The following SPOPL variants were observed in gnomAD, a reference collection of about 807,000 sequenced individuals.
The protein encoded by SPOPL is speckle type BTB/POZ protein like.
A neutral mutation model predicts 53.8 loss-of-function variants in SPOPL; 23 were observed. The observed-to-expected ratio is 0.43, with a 90% confidence interval of 0.31 to 0.61. The LOEUF (loss-of-function observed/expected upper bound fraction) is 0.61. SPOPL is among the 20% of genes least tolerant of loss of function. SPOPL has a pLI of 0.12. For missense variants in SPOPL, 442 were observed against 466.9 expected (o/e 0.95, Z 0.49); for synonymous variants, 164 against 149.7 (o/e 1.10, Z -0.70).
chr2:138,518,366 C>CATA (rs1227587405), intron 1 of SPOPL, among the ~76,000 whole-genome samples: 2 of 152,116 alleles, frequency 1.3e-5, no homozygotes, highest in African/African-American at 2.4e-5. Context: ...TGTGCAGGAA[C>CATA]TACCCTAAGT....
chr2:138,543,431 T>G (rs1320095123), intron 1 of SPOPL, among the ~76,000 whole-genome samples: 1 of 152,208 alleles, frequency 6.6e-6, no homozygotes, highest in Non-Finnish European at 1.5e-5. Context: ...GCTTTGTTCA[T>G]TTCTTTTTAT....
intron 8 of SPOPL, chr2:138,564,279 A>G (rs1375835751): frequency 6.0e-6 from 1 of 165,752 alleles, no homozygotes; most frequent in Non-Finnish European, 1.3e-5. Context: ...GTTATATAAC[A>G]TACACTAATA....
At chr2:138,506,519 T>C (rs1216052705) in intron 1 of SPOPL, among the ~76,000 whole-genome samples, 1 of 152,050 alleles carries the variant, frequency 6.6e-6, no homozygotes, top group African/African-American at 2.4e-5. Context: ...CAAATAAATT[T>C]TGGGAGGAAA....
intron 1 of SPOPL, among the ~76,000 whole-genome samples, chr2:138,503,327 G>C (rs375959617): frequency 2.2e-4 from 33 of 152,282 alleles, no homozygotes; most frequent in East Asian, 1.7e-3. Flanking sequence ...GTAAAATGGG[G>C]TTATGATATG....
At chr2:138,527,685 C>G (rs1191789001) in intron 1 of SPOPL, among the ~76,000 whole-genome samples, 1 of 152,152 alleles carries the variant, frequency 6.6e-6, no homozygotes, top group Non-Finnish European at 1.5e-5. Context: ...CCATTTTGGA[C>G]CTTCTCTTTT....
At chr2:138,560,297 A>G (rs567832509) in intron 7 of SPOPL, among the ~76,000 whole-genome samples, 37 of 152,274 alleles carry the variant, frequency 2.4e-4, no homozygotes, top group Admixed American at 8.5e-4. Flanking sequence ...AATTCTGGGA[A>G]TTAAGAACTG....
intron 7 of SPOPL, among the ~76,000 whole-genome samples, 170 bp downstream of exon 7, chr2:138,559,507 G>C (rs1685500168): frequency 6.6e-6 from 1 of 152,190 alleles, no homozygotes; most frequent in South Asian, 2.1e-4. Context: ...ATGTAGCTCA[G>C]TGTGGATGTG....
intron 1 of SPOPL, among the ~76,000 whole-genome samples, chr2:138,509,134 G>T (rs1361445133): frequency 6.6e-6 from 1 of 152,050 alleles, no homozygotes; most frequent in African/African-American, 2.4e-5. Flanking sequence ...GTTGGGACAG[G>T]TTAGATAGGA....
At chr2:138,506,674 G>A (rs1443675974) in intron 1 of SPOPL, among the ~76,000 whole-genome samples, 1 of 151,960 alleles carries the variant, frequency 6.6e-6, no homozygotes, top group Admixed American at 6.6e-5. Context: ...GGAAGGGGGA[G>A]GTATTGGTCA....
rs371775955 is a variant in SPOPL, at chr2:138,550,446, C to G, written c.79-37C>G. 40 of 1,595,148 alleles carry G rather than the reference C, an allele frequency of 2.5e-5. No homozygotes were observed. In the African/African-American group the frequency reaches 5.3e-4, roughly 21 times the overall value. ...ACATGTAACAAGTTAAAAGTATTAC[C>G]GTCATCATTATAAAAGTGGTTTTCT... On this transcript the variant is annotated intron_variant, in intron 2 of 10. Transcript: ENST00000280098.
intron 1 of SPOPL, among the ~76,000 whole-genome samples, chr2:138,544,277 T>C (rs1685141214): frequency 6.6e-6 from 1 of 152,218 alleles, no homozygotes; most frequent in Non-Finnish European, 1.5e-5. Flanking sequence ...CAGGGACATT[T>C]AAGTCTGCAG....
chr2:138,516,876 TTTAA>T (rs1179669312), intron 1 of SPOPL, among the ~76,000 whole-genome samples: 7 of 152,358 alleles, frequency 4.6e-5, no homozygotes, highest in African/African-American at 1.7e-4. Flanking sequence ...GTTTATCTGC[TTTAA>T]TTGAGTATTT....
rs146604725 is a variant in SPOPL, at chr2:138,558,044, C to G, written c.481-978C>G. Among the ~76,000 whole-genome samples the G allele has an allele frequency of 2.2e-3, 341 of 152,200 alleles. 3 individuals carry two copies. The highest frequency in any genetic ancestry group is 7.8e-3 in the African/African-American group (323 of 41,520). ...GTGTGGTGGTGCACACCTGTAATCC[C>G]AGCTACTCAGGAGGTCTGAGACAGG... On this transcript the variant is annotated intron_variant, in intron 5 of 10. Transcript: ENST00000280098.
intron 1 of SPOPL, among the ~76,000 whole-genome samples, chr2:138,533,491 T>C (rs1193411572): frequency 3.3e-5 from 5 of 152,134 alleles, no homozygotes; most frequent in African/African-American, 1.2e-4. Flanking sequence ...TACCCCAGGT[T>C]TCGTTAGAGT....
At chr2:138,536,100 G>A (rs984352160) in intron 1 of SPOPL, among the ~76,000 whole-genome samples, 1 of 151,814 alleles carries the variant, frequency 6.6e-6, no homozygotes, top group African/African-American at 2.4e-5. Context: ...TGGCTATTTG[G>A]AATGCTTTGT....
At position 138,570,525 on chromosome 2, in the gene SPOPL, G is replaced by A. The variant is rs780060360; in HGVS notation, c.*1445G>A. 9 of 152,090 alleles carry A rather than the reference G, an allele frequency of 5.9e-5. No individual in the cohort carries two copies. The highest frequency in any genetic ancestry group is 1.3e-4 in the Non-Finnish European group (9 of 68,012). The allele number at this position is 152,090 out of a possible 1,614,324, so 9.4% of individuals were successfully genotyped here. On this transcript the variant is annotated 3_prime_UTR_variant, in exon 11 of 11. Transcript: ENST00000280098. ...AGAAGCAGAAGCAGTCAGTGTTGGG[G>A]TACCACATCTGACTTACTGTGGTGG...
At chr2:138,519,132 A>C (rs1684504973) in intron 1 of SPOPL, among the ~76,000 whole-genome samples, 1 of 152,212 alleles carries the variant, frequency 6.6e-6, no homozygotes, top group Admixed American at 6.5e-5. Flanking sequence ...CTAAACTTTT[A>C]ACTGTGATGG....
chr2:138,560,826 T>G lies in SPOPL; in HGVS notation c.736T>G (p.Leu246Val), dbSNP rs1248914542. Residue 246 changes from leucine to valine, a missense_variant, in exon 8 of 11, where the codon TTA becomes GTA. Transcript: ENST00000280098. ...SKKNRVEIND[L>V]DPEVFKEMMR... ...TCAGAATCGAGTGGAAATAAATGAT[T>G]TAGACCCTGAAGTTTTTAAAGAAAT... The G allele has an allele frequency of 1.1e-5, 18 of 1,605,792 alleles. No individual in the cohort carries two copies. Among genetic ancestry groups the G allele is most frequent in the Non-Finnish European group, 1.4e-5 (16 of 1,178,054 alleles).
rs1190111172 is a variant in SPOPL at position 138,570,323 on chromosome 2, C to CTA, written c.*1244_*1245dup. ...TCTTCATTGTGTTTCAGTTACTGTA[C>CTA]TAACATTGTGGATGATACTGAAATT... On this transcript the variant is annotated 3_prime_UTR_variant, in exon 11 of 11. Coordinates refer to ENST00000280098, the MANE Select transcript of SPOPL (RefSeq NM_001001664.3). 6.6e-6 allele frequency: 1 copy of CTA among 152,178 alleles called. No individual in the cohort carries two copies. The highest frequency in any genetic ancestry group is 1.5e-5 in the Non-Finnish European group (1 of 68,024). The allele number at this position is 152,178 out of a possible 1,614,324, so 9.4% of individuals were successfully genotyped here.
Sources: gnomAD v4.1 joint callset for allele counts (sites outside exome capture counted in the v4.1 genomes callset) on GRCh38, gnomAD v4.1.1 for gene constraint, MANE v1.5 for transcripts, NCBI Gene and HGNC (gene_info 2026-07-23, HGNC 2026-07-21) for gene names.